TMEM232: variants seen among roughly 807,000 people sequenced by gnomAD.
TMEM232 encodes transmembrane protein 232.
In TMEM232, 80 loss-of-function variants were observed where a neutral mutation model predicts 78.8. That is an observed-to-expected ratio of 1.01 (90% CI 0.85 to 1.22). The LOEUF (loss-of-function observed/expected upper bound fraction) is 1.22, where lower values mean the gene tolerates loss of function less well. TMEM232 is among the 50% of genes most tolerant of loss of function. The pLI is 0.00. For missense variants in TMEM232, 881 were observed against 742.2 expected (o/e 1.19, Z -2.17); for synonymous variants, 297 against 254.3 (o/e 1.17, Z -1.60).
At chr5:110,516,040 C>T (rs929683732) in intron 12 of TMEM232, among the ~76,000 whole-genome samples, 23 of 152,146 alleles carry the variant, frequency 1.5e-4, no homozygotes, top group African/African-American at 4.6e-4. Context: ...GAGGTCGAGA[C>T]CATCCTGGCT....
intron 12 of TMEM232, among the ~76,000 whole-genome samples, chr5:110,441,557 G>T (rs1163743151): frequency 6.6e-6 from 1 of 152,118 alleles, no homozygotes; most frequent in African/African-American, 2.4e-5. Flanking sequence ...GCTGGCCTAA[G>T]GACTTGCTTC....
intron 10 of TMEM232, among the ~76,000 whole-genome samples, chr5:110,580,483 C>T (rs951584836): frequency 6.6e-6 from 1 of 151,672 alleles, no homozygotes; most frequent in Admixed American, 6.6e-5. Context: ...ATTATGCTTG[C>T]ATAGTGGTAA....
Position 110,625,302 on chromosome 5 carries a change from C to A in TMEM232, c.733G>T (p.Asp245Tyr). The part of the protein sequence containing the change: ...RSESIFRPVE[D>Y]KKRYENTDSD... ...TCTGTGTTCTCATATCTTTTCTTATCTTCCACAGGTCTAAAAATGGATTCA... is the reference window on the plus strand; with the variant it reads ...TCTGTGTTCTCATATCTTTTCTTATATTCCACAGGTCTAAAAATGGATTCA... The change falls in exon 7 of 14, where the codon GAT becomes TAT. Residue 245 changes from aspartate to tyrosine, a missense_variant. Asp to Tyr is a radical substitution (Grantham distance 160). Coordinates refer to ENST00000455884, the MANE Select transcript of TMEM232 (RefSeq NM_001039763.4). 6.5e-7 allele frequency: 1 copy of A among 1,543,576 alleles called. No homozygotes were observed. The highest frequency in any genetic ancestry group is 1.2e-5 in the South Asian group (1 of 82,490).
In TMEM232 at chr5:110,614,012, T is replaced by TTAAAAAAAAGATTAAATCTTTTC. The variant is rs1338006087; in HGVS notation, c.902+4394_902+4416dup. On this transcript the variant is annotated intron_variant, in intron 8 of 13. Coordinates refer to ENST00000455884, the MANE Select transcript of TMEM232 (RefSeq NM_001039763.4). The stretch of plus-strand genomic sequence containing the variant: ...GTTTGCTAGAGCCAACTAATCTTTT[T>TTAAAAAAAAGATTAAATCTTTTC]TAAAAAAAAGATTAAATCTTTTCCT... 2.0e-5 allele frequency among the ~76,000 whole-genome samples: 3 copies of TTAAAAAAAAGATTAAATCTTTTC among 152,084 alleles called. 1 individual carries two copies. Among genetic ancestry groups the TTAAAAAAAAGATTAAATCTTTTC allele is most frequent in the Non-Finnish European group, 2.9e-5 (2 of 67,974 alleles).
intron 1 of TMEM232, among the ~76,000 whole-genome samples, chr5:110,684,066 T>C (rs1355371440): frequency 6.6e-6 from 1 of 151,972 alleles, no homozygotes; most frequent in Non-Finnish European, 1.5e-5. Flanking sequence ...GTTCTCCTTA[T>C]TTTAATTAAA....
intron 1 of TMEM232, among the ~76,000 whole-genome samples, chr5:110,673,142 T>C (rs1429967600): frequency 6.6e-6 from 1 of 152,224 alleles, no homozygotes; most frequent in Non-Finnish European, 1.5e-5. Context: ...GATGAGTTCA[T>C]GTCCTTTGTA....
intron 12 of TMEM232, among the ~76,000 whole-genome samples, chr5:110,515,528 G>C (rs994233450): frequency 6.6e-5 from 10 of 152,106 alleles, no homozygotes; most frequent in Non-Finnish European, 1.5e-4. Flanking sequence ...TAGCAGTCAG[G>C]CACTATCCCT....
chr5:110,503,056 T>C (rs1766448222), intron 12 of TMEM232, among the ~76,000 whole-genome samples: 1 of 152,230 alleles, frequency 6.6e-6, no homozygotes, highest in South Asian at 2.1e-4. Flanking sequence ...TTTGTCACCA[T>C]ATCTCTAGTT....
intron 10 of TMEM232, among the ~76,000 whole-genome samples, chr5:110,579,827 A>G (rs1169820449): frequency 6.6e-6 from 1 of 151,808 alleles, no homozygotes; most frequent in Non-Finnish European, 1.5e-5. Context: ...ATCAATAATT[A>G]CTTTAAACGT....
chr5:110,690,474 A>G (rs1421650647), intron 1 of TMEM232, among the ~76,000 whole-genome samples: 1 of 152,184 alleles, frequency 6.6e-6, no homozygotes, highest in Non-Finnish European at 1.5e-5. Context: ...TCAGGAAACA[A>G]TGGATGCTAT....
chr5:110,456,875 A>G (rs1187383872), intron 12 of TMEM232, among the ~76,000 whole-genome samples: 1 of 152,174 alleles, frequency 6.6e-6, no homozygotes, highest in Non-Finnish European at 1.5e-5. Context: ...TTAAAAAAGT[A>G]ACTAAAACTA....
intron 11 of TMEM232, among the ~76,000 whole-genome samples, chr5:110,550,166 A>T (rs950212062): frequency 3.9e-5 from 6 of 152,324 alleles, no homozygotes; most frequent in Middle Eastern, 3.4e-3. Flanking sequence ...CAAACAATAT[A>T]GTTTACAACA....
intron 8 of TMEM232, among the ~76,000 whole-genome samples, chr5:110,613,010 C>A (rs919427655): frequency 5.9e-5 from 9 of 152,192 alleles, no homozygotes; most frequent in African/African-American, 1.9e-4. Flanking sequence ...CTGCTTATCT[C>A]CAGCTATGGG....
intron 1 of TMEM232, among the ~76,000 whole-genome samples, chr5:110,696,468 G>A (rs1194484592): frequency 1.3e-5 from 2 of 152,134 alleles, no homozygotes; most frequent in African/African-American, 4.8e-5. Flanking sequence ...TTAGGCAGGA[G>A]AAGGAAATAA....
rs1461008271 is a variant in TMEM232, at chr5:110,528,797, A to G, written c.1494T>C (p.Tyr498=). ...LNDPTDPFTR[Y]STNISSNVGE... ...CTACATTTGATGAAATATTTGTACT[A>G]TATCTAGTGAAAGGATCAGTTGGGT... The change falls in exon 12 of 14, where the codon TAT becomes TAC. Residue 498 remains tyrosine, a synonymous_variant. Coordinates refer to ENST00000455884, the MANE Select transcript of TMEM232 (RefSeq NM_001039763.4). The G allele has an allele frequency of 9.8e-6, 15 of 1,525,194 alleles. No homozygotes were observed. The Admixed American group carries it at 2.0e-4, about 20-fold the overall frequency. 94.5% of individuals were successfully genotyped at this position (1,525,194 alleles called of 1,614,324 possible).
chr5:110,694,134 A>C (rs1258873508), intron 1 of TMEM232, among the ~76,000 whole-genome samples: 1 of 152,164 alleles, frequency 6.6e-6, no homozygotes, highest in African/African-American at 2.4e-5. Context: ...GCCAGAAGAG[A>C]GTGAGGGCCA....
At chr5:110,637,527 C>A (rs191852394) in intron 5 of TMEM232, among the ~76,000 whole-genome samples, 15 of 151,858 alleles carry the variant, frequency 9.9e-5, no homozygotes, top group East Asian at 3.9e-4. Flanking sequence ...ACCATTTCTG[C>A]ATAATCAATT....
chr5:110,405,801 G>A (rs1755769838), intron 2 of TMEM232, among the ~76,000 whole-genome samples: 1 of 148,870 alleles, frequency 6.7e-6, no homozygotes, highest in Non-Finnish European at 1.5e-5. Flanking sequence ...AGTTTAGCAC[G>A]CTTGTATTTG....
intron 2 of TMEM232, among the ~76,000 whole-genome samples, chr5:110,658,852 C>T (rs1789428964): frequency 6.6e-6 from 1 of 152,044 alleles, no homozygotes; most frequent in African/African-American, 2.4e-5. Context: ...CATCATTAGC[C>T]AATGAAAAGA....
Sources: gnomAD v4.1 joint callset for allele counts (sites outside exome capture counted in the v4.1 genomes callset) on GRCh38, gnomAD v4.1.1 for gene constraint, MANE v1.5 for transcripts, NCBI Gene and HGNC (gene_info 2026-07-23, HGNC 2026-07-21) for gene names.